The following PRDM1 variants were observed in gnomAD, a reference collection of about 807,000 sequenced individuals.
The protein encoded by PRDM1 is PR domain zinc finger protein 1.
Under a neutral mutation model 62.8 loss-of-function variants are expected in PRDM1, and 13 were observed. The ratio of observed to expected loss-of-function variants is 0.21; its 90% CI spans 0.13 to 0.33. PRDM1 has a LOEUF of 0.33. PRDM1 is among the 10% of genes least tolerant of loss of function. The pLI is 1.00. For synonymous variants in PRDM1, 396 were observed against 417.6 expected, an observed-to-expected ratio of 0.95 and a Z score of 0.63; for missense variants, 895 against 1,058.8, an observed-to-expected ratio of 0.85 and a Z score of 2.15.
intron 1 of PRDM1, among the ~76,000 whole-genome samples, chr6:106,072,486 A>G (rs1351045573): frequency 6.6e-6 from 1 of 152,228 alleles, no homozygotes; most frequent in African/African-American, 2.4e-5. Flanking sequence ...TCTGTTATAG[A>G]AGGGGGAGGA....
At chr6:106,092,284 C>T (rs981874274) in intron 2 of PRDM1, among the ~76,000 whole-genome samples, 11 of 152,102 alleles carry the variant, frequency 7.2e-5, no homozygotes, top group African/African-American at 1.7e-4. Flanking sequence ...AAACTGTGGA[C>T]GGCGGGGTGT....
rs1774557971 is a variant in PRDM1 at position 106,108,141 on chromosome 6, T to TGGG, written c.*658_*660dup. Reference sequence around the variant, plus strand: ...CATTTGAACAGCATTGTACATAACTTGGGGGTATGTGTGCAGGATTACCCA... The same window carrying TGGG: ...CATTTGAACAGCATTGTACATAACTTGGGGGGGGTATGTGTGCAGGATTACCCA... On this transcript the variant is annotated 3_prime_UTR_variant, in exon 7 of 7. Coordinates refer to ENST00000369096, the MANE Select transcript of PRDM1 (RefSeq NM_001198.4). 1 of 233,374 alleles carries TGGG rather than the reference T, an allele frequency of 4.3e-6. No homozygotes were observed. Among genetic ancestry groups the TGGG allele is most frequent in the Admixed American group, 5.6e-5 (1 of 17,764 alleles). The allele number at this position is 233,374 out of a possible 1,614,324, so 14.5% of individuals were successfully genotyped here. A position where few individuals can be genotyped will look rare whatever the true frequency, so the allele number is the denominator to read the frequency against.
chr6:106,072,898 C>T (rs1773541374), intron 1 of PRDM1, among the ~76,000 whole-genome samples: 1 of 152,098 alleles, frequency 6.6e-6, no homozygotes, highest in Non-Finnish European at 1.5e-5. Flanking sequence ...ATGTTGTGTA[C>T]AGATTTGACT....
At chr6:106,069,128 C>T (rs1205516519) in intron 1 of PRDM1, among the ~76,000 whole-genome samples, 1 of 152,172 alleles carries the variant, frequency 6.6e-6, no homozygotes, top group Non-Finnish European at 1.5e-5. Flanking sequence ...TATAGGGACC[C>T]TTCTGGCATC....
intron 1 of PRDM1, among the ~76,000 whole-genome samples, chr6:105,998,236 GT>G (rs1207924106): frequency 6.6e-6 from 1 of 151,894 alleles, no homozygotes; most frequent in East Asian, 1.9e-4. Context: ...AAATATTAAC[GT>G]TTTTTCAATT....
chr6:105,998,948 T>C (rs1772395274), intron 1 of PRDM1, among the ~76,000 whole-genome samples: 1 of 125,278 alleles, frequency 8.0e-6, no homozygotes, highest in Non-Finnish European at 1.7e-5. Context: ...TTTTTTTTTT[T>C]TTCTTTTGAG....
chr6:106,109,838 GAAC>G lies in PRDM1; in HGVS notation c.*2358_*2360del, dbSNP rs1774637780. 1 of 232,726 alleles carries G rather than the reference GAAC, an allele frequency of 4.3e-6. No homozygotes were observed. The highest frequency in any genetic ancestry group is 8.5e-6 in the Non-Finnish European group (1 of 117,440). 14.4% of individuals were successfully genotyped at this position (232,726 alleles called of 1,614,324 possible). A position where few individuals can be genotyped will look rare whatever the true frequency, so the allele number is the denominator to read the frequency against. The stretch of plus-strand genomic sequence containing the variant: ...AAGTTACTGGCTTTTTACTTTGCTA[GAAC>G]AACAAACTATCTTATGTTTACATAC... On this transcript the variant is annotated 3_prime_UTR_variant, in exon 7 of 7. Coordinates refer to ENST00000369096, the MANE Select transcript of PRDM1 (RefSeq NM_001198.4).
At chr6:106,008,956 C>T (rs1001328237) in intron 1 of PRDM1, among the ~76,000 whole-genome samples, 33 of 152,296 alleles carry the variant, frequency 2.2e-4, no homozygotes, top group African/African-American at 2.6e-4. Context: ...ATAGTCTTCC[C>T]GCAGCGGTGG....
intron 1 of PRDM1, among the ~76,000 whole-genome samples, chr6:106,065,586 T>C (rs1773420466): frequency 6.6e-6 from 1 of 152,242 alleles, no homozygotes. Context: ...AGGGCTACAC[T>C]TTTGGCACAC....
chr6:106,024,671 C>A (rs1027689233), intron 1 of PRDM1, among the ~76,000 whole-genome samples: 1 of 152,082 alleles, frequency 6.6e-6, no homozygotes, highest in Non-Finnish European at 1.5e-5. Context: ...AAATCTGAAT[C>A]TTTTTCAGGC....
At chr6:106,049,776 T>C (rs935005679) in intron 1 of PRDM1, among the ~76,000 whole-genome samples, 1 of 152,254 alleles carries the variant, frequency 6.6e-6, no homozygotes, top group African/African-American at 2.4e-5. Context: ...TGTCTGTAAT[T>C]AACTACCCAC....
At chr6:106,057,452 G>A (rs1773283309) in intron 1 of PRDM1, among the ~76,000 whole-genome samples, 1 of 152,150 alleles carries the variant, frequency 6.6e-6, no homozygotes, top group Non-Finnish European at 1.5e-5. Flanking sequence ...AGAGGCAGTG[G>A]TCCTTACTTT....
intron 1 of PRDM1, among the ~76,000 whole-genome samples, chr6:106,054,762 T>C (rs541573754): frequency 6.6e-6 from 1 of 152,334 alleles, no homozygotes; most frequent in East Asian, 1.9e-4. Flanking sequence ...AGCTATACTT[T>C]TTAAGGAGAA....
rs73772590 is a variant in PRDM1 at position 106,106,282 on chromosome 6, A to G, written c.1774-89A>G. On this transcript the variant is annotated intron_variant, in intron 5 of 6. Transcript: ENST00000369096. This position sits in a 1 kb window ranked among gnomAD's most constrained non-coding sequence, Gnocchi z 4.4. ...ACTGTCTTGATGCTTTTCTTAAGAT[A>G]TTTGCATCAACACTTGAGTCTTGGA... 2,178 of 1,515,768 alleles carry G rather than the reference A, an allele frequency of 1.4e-3. 25 individuals are homozygous for G. The African/African-American group carries it at 0.027, about 19-fold the overall frequency. 93.9% of individuals were successfully genotyped at this position (1,515,768 alleles called of 1,614,324 possible).
Position 106,105,189 on chromosome 6 carries a change from C to G in PRDM1, c.1029C>G (p.Pro343=). The G allele has an allele frequency of 6.2e-7, 1 of 1,613,522 alleles. No homozygotes were observed. ...TTPSPSARSS[P]DQSLKSSSPH... The stretch of plus-strand genomic sequence containing the variant: ...CAAGCCCCTCTGCAAGAAGCAGCCC[C>G]GACCAAAGCCTCAAGAGCTCCAGCC... The change falls in exon 5 of 7, where the codon CCC becomes CCG. Residue 343 remains proline, a synonymous_variant. Transcript: ENST00000369096.
chr6:106,034,758 A>G (rs1476062985), intron 1 of PRDM1, among the ~76,000 whole-genome samples: 2 of 150,132 alleles, frequency 1.3e-5, no homozygotes, highest in East Asian at 2.0e-4. Flanking sequence ...CAGCCTCCCA[A>G]GTAGCTGAGA....
intron 1 of PRDM1, among the ~76,000 whole-genome samples, chr6:105,998,917 ATATATATATATATATATTTTTTTTT>A (rs1250812956): frequency 0.039 from 148 of 3,820 alleles, 1 homozygote; most frequent in African/African-American, 0.077. Flanking sequence ...ATATATATAT[ATATATATATATATATATTTTTTTTT>A]TTTTTTTTCT....
At chr6:106,080,329 A>G (rs538017469) in intron 1 of PRDM1, among the ~76,000 whole-genome samples, 6 of 152,198 alleles carry the variant, frequency 3.9e-5, no homozygotes, top group Non-Finnish European at 8.8e-5. Flanking sequence ...GCCCGTGAGC[A>G]TGATTAGCTG....
chr6:105,995,514 G>A (rs1162920786), intron 1 of PRDM1, among the ~76,000 whole-genome samples: 2 of 151,882 alleles, frequency 1.3e-5, no homozygotes, highest in African/African-American at 2.4e-5. Context: ...GAGCGTTTCA[G>A]AAGAGAATTG....
Sources: gnomAD v4.1 joint callset for allele counts (sites outside exome capture counted in the v4.1 genomes callset) on GRCh38, gnomAD v4.1.1 for gene constraint, Gnocchi (gnomAD v3.1) non-coding constraint, MANE v1.5 for transcripts, NCBI Gene and HGNC (gene_info 2026-07-23, HGNC 2026-07-21) for gene names.